Variants in ABCA13 observed in about 807,000 individuals in gnomAD.
The protein encoded by ABCA13 is ATP-binding cassette sub-family A member 13.
ABCA13 carries 476 observed loss-of-function variants against 478.7 expected under a neutral mutation model. That is an observed-to-expected ratio of 0.99 (90% confidence interval 0.92 to 1.07). ABCA13 has a LOEUF of 1.07. Among genes scored for constraint, ABCA13 ranks in the 50% least tolerant of loss-of-function variants. The probability of loss-of-function intolerance (pLI) is 0.00; values close to 1 mark genes in which losing one functional copy is unlikely to be tolerated. For missense variants in ABCA13, 6,060 were observed against 5,910.6 expected, an observed-to-expected ratio of 1.03 and a Z score of -0.83; for synonymous variants, 2,252 against 2,158.9, an observed-to-expected ratio of 1.04 and a Z score of -1.20.
chr7:48,520,557 A>AT (rs201140003), intron 53 of ABCA13, among the ~76,000 whole-genome samples: 2 of 146,930 alleles, frequency 1.4e-5, no homozygotes, highest in Non-Finnish European at 2.9e-5. Flanking sequence ...TTTTTTTAAA[A>AT]TTTTTTTTAT....
rs369189622 is a variant in ABCA13 at position 48,298,412 on chromosome 7, G to A, written c.9246G>A (p.Glu3082=). 1 of 1,612,216 alleles carries A rather than the reference G, an allele frequency of 6.2e-7. No individual in the cohort carries two copies. The highest frequency in any genetic ancestry group is 8.5e-7 in the Non-Finnish European group (1 of 1,178,922). ...TGAAGAATATCACCAAGTTGACTGA[G>A]GAGCTTCGCTCTTCCATCCAAATCT... is the stretch of plus-strand genomic sequence containing the variant. The part of the protein sequence containing the change: ...DLMKNITKLT[E]ELRSSIQISN... Residue 3082 remains glutamate, a synonymous_variant, in exon 23 of 62, where the codon GAG becomes GAA. Coordinates refer to ENST00000435803, the MANE Select transcript of ABCA13 (RefSeq NM_152701.5).
intron 1 of ABCA13, among the ~76,000 whole-genome samples, chr7:48,181,131 T>C (rs1795644314): frequency 6.6e-6 from 1 of 152,242 alleles, no homozygotes; most frequent in African/African-American, 2.4e-5. Flanking sequence ...CAGTGTCGTA[T>C]TGTCCTTGAC....
intron 36 of ABCA13, 148 bp downstream of exon 36, chr7:48,388,107 G>A: frequency 1.2e-6 from 1 of 801,518 alleles, no homozygotes; most frequent in Non-Finnish European, 1.8e-6. Flanking sequence ...CTGGGAAACA[G>A]CTGCAAGCCC....
intron 45 of ABCA13, among the ~76,000 whole-genome samples, chr7:48,477,244 G>GTT (rs1232440469): frequency 6.6e-6 from 1 of 152,084 alleles, no homozygotes; most frequent in Admixed American, 6.5e-5. Flanking sequence ...GAAACAACAG[G>GTT]TGCTGGAGAG....
chr7:48,367,892 A>G lies in ABCA13; in HGVS notation c.10787A>G (p.Glu3596Gly), dbSNP rs1481246019. Residue 3596 changes from glutamate to glycine, a missense_variant, in exon 32 of 62, where the codon GAG becomes GGG. Coordinates refer to ENST00000435803, the MANE Select transcript of ABCA13 (RefSeq NM_152701.5). ...SMVRKLVYEQEIQIEEYMRMM... is the reference protein window; with the variant it reads ...SMVRKLVYEQGIQIEEYMRMM... The stretch of plus-strand genomic sequence containing the variant: ...GTCAGAAAGTTGGTGTATGAGCAGG[A>G]GATACAGATAGAAGAGGTAAATATC... 2 of 1,571,754 alleles carry G rather than the reference A, an allele frequency of 1.3e-6. No homozygotes were observed. The highest frequency in any genetic ancestry group is 1.2e-5 in the South Asian group (1 of 85,356).
intron 15 of ABCA13, among the ~76,000 whole-genome samples, chr7:48,257,720 T>A (rs1793603405): frequency 6.6e-6 from 1 of 152,184 alleles, no homozygotes. Context: ...TTGTTGAGGA[T>A]TTTTGCATCT....
intron 30 of ABCA13, among the ~76,000 whole-genome samples, chr7:48,351,777 G>A (rs1390625639): frequency 4.6e-5 from 7 of 152,154 alleles, no homozygotes; most frequent in Admixed American, 1.3e-4. Flanking sequence ...CAAAGAATCC[G>A]TGTGGCATAA....
At chr7:48,409,755 C>T (rs1353698250) in intron 39 of ABCA13, among the ~76,000 whole-genome samples, 1 of 152,006 alleles carries the variant, frequency 6.6e-6, no homozygotes, top group Non-Finnish European at 1.5e-5. Context: ...ATAGCCTTCT[C>T]CCTACATACA....
intron 31 of ABCA13, among the ~76,000 whole-genome samples, chr7:48,367,317 A>G (rs1424843353): frequency 6.6e-6 from 1 of 152,202 alleles, no homozygotes; most frequent in Non-Finnish European, 1.5e-5. Context: ...AGTGTATATT[A>G]GAAATGGAGC....
At chr7:48,478,669 A>T (rs1828414657) in intron 45 of ABCA13, among the ~76,000 whole-genome samples, 1 of 152,158 alleles carries the variant, frequency 6.6e-6, no homozygotes, top group South Asian at 2.1e-4. Context: ...ATCTTGGAAC[A>T]GACACTCTCT....
chr7:48,327,411 G>A lies in ABCA13; in HGVS notation c.10000-8011G>A, dbSNP rs11982927. On this transcript the variant is annotated intron_variant, in intron 27 of 61. Transcript: ENST00000435803. ...TCATGACACGTGGGGATTAGGGGAA[G>A]TACAATTCAAGATGAGATTTGGGTG... is the stretch of plus-strand genomic sequence containing the variant. 2.8e-3 allele frequency among the ~76,000 whole-genome samples: 423 copies of A among 152,220 alleles called. 4 individuals are homozygous for A. Among genetic ancestry groups the A allele is most frequent in the African/African-American group, 9.6e-3 (400 of 41,530 alleles).
chr7:48,511,736 T>C (rs112855756), intron 51 of ABCA13, among the ~76,000 whole-genome samples: 82 of 152,318 alleles, frequency 5.4e-4, no homozygotes, highest in African/African-American at 1.9e-3. Flanking sequence ...CTCAAAATTA[T>C]ATCTATCCGG....
At chr7:48,570,660 C>T (rs1264465395) in intron 55 of ABCA13, among the ~76,000 whole-genome samples, 1 of 151,664 alleles carries the variant, frequency 6.6e-6, no homozygotes, top group Non-Finnish European at 1.5e-5. Flanking sequence ...GACTTTGATT[C>T]TAAAGTGTAT....
At chr7:48,526,763 C>A (rs1320738312) in intron 54 of ABCA13, among the ~76,000 whole-genome samples, 1 of 152,066 alleles carries the variant, frequency 6.6e-6, no homozygotes, top group Non-Finnish European at 1.5e-5. Context: ...TGTAAGATGA[C>A]CATTGTATAT....
Position 48,350,731 on chromosome 7 carries a change from G to A in ABCA13, c.10293G>A (p.Val3431=), listed in dbSNP as rs376417175. The A allele has an allele frequency of 9.5e-5, 153 of 1,613,808 alleles. No homozygotes were observed. The highest frequency in any genetic ancestry group is 1.3e-4 in the Admixed American group (8 of 60,000). ...TCTTGGTCAATCTCTCTTCCTGCGT[G>A]GCACTGAACCGTTTCCAGGCTCTGC... ...GSILVNLSSC[V]ALNRFQALQS... is the part of the protein sequence containing the mutation. The change falls in exon 30 of 62, where the codon GTG becomes GTA. Residue 3431 remains valine (V), a synonymous_variant. Coordinates refer to ENST00000435803, the MANE Select transcript of ABCA13 (RefSeq NM_152701.5).
chr7:48,385,120 T>C (rs1814977842), intron 35 of ABCA13, among the ~76,000 whole-genome samples: 1 of 152,200 alleles, frequency 6.6e-6, no homozygotes, highest in Admixed American at 6.5e-5. Context: ...GCTGAACAGC[T>C]TCCCTTCACT....
intron 42 of ABCA13, among the ~76,000 whole-genome samples, chr7:48,438,558 A>G (rs1023134872): frequency 2.1e-5 from 3 of 140,502 alleles, no homozygotes; most frequent in Non-Finnish European, 4.7e-5. Context: ...AGGTTCTGTA[A>G]TCACATACTC....
At chr7:48,217,942 C>T (rs1478523259) in intron 3 of ABCA13, among the ~76,000 whole-genome samples, 1 of 152,174 alleles carries the variant, frequency 6.6e-6, no homozygotes, top group Admixed American at 6.5e-5. Context: ...AAGGAGGAAA[C>T]TGCTCTCCAC....
intron 38 of ABCA13, among the ~76,000 whole-genome samples, chr7:48,402,457 G>A (rs1817735155): frequency 6.6e-6 from 1 of 152,028 alleles, no homozygotes; most frequent in African/African-American, 2.4e-5. Flanking sequence ...CTTCCAATAG[G>A]GTGTTGTCCA....
Sources: gnomAD v4.1 joint callset for allele counts (sites outside exome capture counted in the v4.1 genomes callset) on GRCh38, gnomAD v4.1.1 for gene constraint, MANE v1.5 for transcripts, NCBI Gene and HGNC (gene_info 2026-07-23, HGNC 2026-07-21) for gene names.